Variants in CREB5 observed in about 807,000 individuals in gnomAD.
The protein encoded by CREB5 is cAMP responsive element binding protein 5.
A neutral mutation model predicts 57.1 loss-of-function variants in CREB5; 19 were observed. That is an observed-to-expected ratio of 0.33 (90% CI 0.23 to 0.49). CREB5 has a LOEUF of 0.49. CREB5 is among the 20% of genes least tolerant of loss of function. The pLI, the probability that CREB5 is intolerant of heterozygous loss-of-function variation, is 0.99. For synonymous variants in CREB5, 238 were observed against 238.3 expected (o/e 1.00, Z 0.01); for missense variants, 579 against 671.6 (o/e 0.86, Z 1.52).
chr7:28,369,622 C>A (rs1786664651), intron 1 of CREB5, among the ~76,000 whole-genome samples: 1 of 152,138 alleles, frequency 6.6e-6, no homozygotes, highest in Admixed American at 6.5e-5. Flanking sequence ...TGTTATCACC[C>A]CATCCGATTC....
intron 1 of CREB5, among the ~76,000 whole-genome samples, chr7:28,388,150 C>T (rs1787147753): frequency 2.6e-5 from 4 of 152,182 alleles, no homozygotes; most frequent in Admixed American, 2.0e-4. Flanking sequence ...CAGGTCACTA[C>T]CCATCTGAGT....
At chr7:28,593,703 G>C (rs1291404481) in intron 5 of CREB5, among the ~76,000 whole-genome samples, 2 of 152,194 alleles carry the variant, frequency 1.3e-5, no homozygotes, top group African/African-American at 4.8e-5. Flanking sequence ...GGATGGGAGA[G>C]CAGTAGGTGT....
At chr7:28,301,012 A>G (rs1406295523) in intron 1 of CREB5, among the ~76,000 whole-genome samples, 2 of 152,250 alleles carry the variant, frequency 1.3e-5, no homozygotes, top group South Asian at 4.1e-4. Context: ...AAATTTAAGA[A>G]CCACTGCTCT....
At chr7:28,587,188 G>C (rs1182188473) in intron 5 of CREB5, among the ~76,000 whole-genome samples, 1 of 152,196 alleles carries the variant, frequency 6.6e-6, no homozygotes, top group African/African-American at 2.4e-5. Flanking sequence ...AAGATTAAAA[G>C]CAAGACAAAA....
At chr7:28,739,570 CTCAGCCTCTAAAGAACTTACA>C (rs1804220572) in intron 7 of CREB5, among the ~76,000 whole-genome samples, 1 of 152,238 alleles carries the variant, frequency 6.6e-6, no homozygotes, top group South Asian at 2.1e-4. Context: ...TAAACACAGT[CTCAGCCTCTAAAGAACTTACA>C]TTTTTATGGG....
chr7:28,742,296 G>A (rs1235854071), intron 7 of CREB5, among the ~76,000 whole-genome samples: 1 of 151,884 alleles, frequency 6.6e-6, no homozygotes, highest in African/African-American at 2.4e-5. Context: ...GCCGGGCGCG[G>A]TGGCTCACGC....
intron 7 of CREB5, among the ~76,000 whole-genome samples, chr7:28,797,326 C>G (rs941225766): frequency 2.0e-5 from 3 of 152,108 alleles, no homozygotes; most frequent in Admixed American, 2.0e-4. Flanking sequence ...GCATCATTTC[C>G]CAATGGACTA....
chr7:28,571,125 C>T lies in CREB5; in HGVS notation c.464+588C>T, dbSNP rs995864724. ...GTGGGGCGTGTCCACAATGTGGACA[C>T]GGTGGACAGGAGGGATGATTCACAT... On this transcript the variant is annotated intron_variant, in intron 5 of 10. Transcript: ENST00000357727. Among the ~76,000 whole-genome samples, 3 of 152,016 alleles carry T rather than the reference C, an allele frequency of 2.0e-5. 1 individual carries two copies. The highest frequency in any genetic ancestry group is 3.9e-4 in the East Asian group (2 of 5,154).
At chr7:28,628,154 A>G (rs1798071671) in intron 5 of CREB5, among the ~76,000 whole-genome samples, 1 of 151,882 alleles carries the variant, frequency 6.6e-6, no homozygotes, top group African/African-American at 2.4e-5. Context: ...TCAGCTTTTC[A>G]GGGATGTCAG....
chr7:28,653,886 C>A (rs1039407687), intron 5 of CREB5, among the ~76,000 whole-genome samples: 2 of 152,218 alleles, frequency 1.3e-5, no homozygotes, highest in Non-Finnish European at 2.9e-5. Flanking sequence ...TCCCACCACA[C>A]TACTCCCTTT....
chr7:28,653,873 T>A (rs1050836850), intron 5 of CREB5, among the ~76,000 whole-genome samples: 26 of 152,258 alleles, frequency 1.7e-4, no homozygotes, highest in Non-Finnish European at 2.9e-5. Flanking sequence ...CAAGTACAAC[T>A]GATCCCACCA....
At chr7:28,463,868 A>G (rs10278272) in intron 1 of CREB5, among the ~76,000 whole-genome samples, 21,596 of 152,122 alleles carry the variant, frequency 0.14, 1,757 homozygotes, top group South Asian at 0.26. Context: ...TTGTCTGTGA[A>G]TAGAGATAGT....
chr7:28,602,565 G>A (rs28542130), intron 5 of CREB5, among the ~76,000 whole-genome samples: 7,113 of 152,186 alleles, frequency 0.047, 614 homozygotes, highest in African/African-American at 0.16. Flanking sequence ...ATGATAACTT[G>A]TATGGACCTC....
At chr7:28,562,552 C>T (rs1795318784) in intron 4 of CREB5, among the ~76,000 whole-genome samples, 1 of 152,166 alleles carries the variant, frequency 6.6e-6, no homozygotes, top group South Asian at 2.1e-4. Context: ...TGGGGGCCGT[C>T]TGCTTCTGGC....
intron 1 of CREB5, among the ~76,000 whole-genome samples, chr7:28,343,377 C>T (rs556110449): frequency 1.3e-5 from 2 of 152,302 alleles, no homozygotes; most frequent in Non-Finnish European, 2.9e-5. Context: ...CCCTGGTAAC[C>T]ACTTTTCTGT....
At chr7:28,423,849 C>T (rs1331198492) in intron 1 of CREB5, among the ~76,000 whole-genome samples, 1 of 152,206 alleles carries the variant, frequency 6.6e-6, no homozygotes, top group Admixed American at 6.5e-5. Context: ...GGCACCCCCT[C>T]CTCCCAGGGC....
chr7:28,658,955 A>ATATATATATATATATATGTGTG (rs1554281543), intron 5 of CREB5, among the ~76,000 whole-genome samples: 2 of 47,544 alleles, frequency 4.2e-5, no homozygotes, highest in African/African-American at 2.2e-4. Context: ...GTGTGTGTGT[A>ATATATATATATATATATGTGTG]TATATATATA....
intron 1 of CREB5, among the ~76,000 whole-genome samples, chr7:28,332,589 C>A (rs1349588792): frequency 6.6e-6 from 1 of 152,198 alleles, no homozygotes; most frequent in Admixed American, 6.5e-5. Flanking sequence ...CGTCTCCTCA[C>A]ACCCCCAGCA....
chr7:28,685,956 G>T (rs1403101266), intron 5 of CREB5: 4 of 562,964 alleles, frequency 7.1e-6, no homozygotes, highest in Admixed American at 6.6e-5. Flanking sequence ...AAAGGAGAAG[G>T]GGGAGGAGGG....
Sources: allele counts gnomAD v4.1 joint callset (sites outside exome capture counted in the v4.1 genomes callset), GRCh38; gene constraint gnomAD v4.1.1; transcripts MANE v1.5; gene names NCBI Gene and HGNC (gene_info 2026-07-23, HGNC 2026-07-21).